The following AGPS variants were observed in gnomAD, a reference collection of about 807,000 sequenced individuals.
The protein encoded by AGPS is alkyldihydroxyacetonephosphate synthase, peroxisomal.
AGPS carries 26 observed loss-of-function variants against 90.7 expected under a neutral mutation model. That is an observed-to-expected ratio of 0.29 (90% CI 0.21 to 0.40). The LOEUF is 0.40. AGPS is among the 10% of genes least tolerant of loss of function. The probability of loss-of-function intolerance (pLI) is 1.00; values close to 1 mark genes in which losing one functional copy is unlikely to be tolerated. For synonymous variants in AGPS, 294 were observed against 285.3 expected, an observed-to-expected ratio of 1.03 and a Z score of -0.31; for missense variants, 540 against 816.1, an observed-to-expected ratio of 0.66 and a Z score of 4.12.
intron 5 of AGPS, among the ~76,000 whole-genome samples, chr2:177,438,222 G>A (rs1269056003): frequency 6.6e-6 from 1 of 152,098 alleles, no homozygotes; most frequent in East Asian, 1.9e-4. Context: ...GAACTTCCAA[G>A]TGTACCTTCT....
In AGPS at chr2:177,539,089, C is replaced by T. The variant is rs368328888; in HGVS notation, c.*894C>T. The T allele has an allele frequency of 6.6e-6, 1 of 151,954 alleles. No homozygotes were observed. The highest frequency in any genetic ancestry group is 2.1e-4 in the South Asian group (1 of 4,832). 9.4% of individuals were successfully genotyped at this position (151,954 alleles called of 1,614,324 possible). On this transcript the variant is annotated 3_prime_UTR_variant, in exon 20 of 20. Transcript: ENST00000264167. ...GGAAAACTCTTAGACTTAATGTCTC[C>T]AATTGCAAGAATTGTTTCACTAAAG...
At chr2:177,393,356 A>T (rs1034486194) in intron 1 of AGPS, 11 of 985,226 alleles carry the variant, frequency 1.1e-5, no homozygotes, top group Non-Finnish European at 1.3e-5. Flanking sequence ...TTCATTTTTT[A>T]TCTTGAATTA....
intron 8 of AGPS, among the ~76,000 whole-genome samples, chr2:177,459,556 CAT>C (rs1475180119): frequency 2.0e-5 from 3 of 152,184 alleles, no homozygotes; most frequent in South Asian, 2.1e-4. Context: ...AGCCAACAGA[CAT>C]ATGAAAAAAT....
chr2:177,434,410 C>G lies in AGPS; in HGVS notation c.434C>G (p.Thr145Ser). The G allele has an allele frequency of 1.2e-6, 2 of 1,609,632 alleles. No homozygotes were observed. Among genetic ancestry groups the G allele is most frequent in the Non-Finnish European group, 1.7e-6 (2 of 1,176,860 alleles). Residue 145 changes from threonine (T) to serine (S), a missense_variant, in exon 3 of 20, where the codon ACC (threonine) becomes AGC (serine). This residue lies in a region of AGPS where 405 missense variants were observed against 692.1 expected (regional missense o/e 0.59). Transcript: ENST00000264167. ...TLGVNVEHKTTSKASLNPSDT... is the reference protein window; with the variant it reads ...TLGVNVEHKTSSKASLNPSDT... ...GGAGTAAATGTGGAGCATAAAACTACCTCTAAAGTAAGCAAACAAAAATTA... is the reference window on the plus strand; with the variant it reads ...GGAGTAAATGTGGAGCATAAAACTAGCTCTAAAGTAAGCAAACAAAAATTA...
At chr2:177,517,932 T>C (rs1689068699) in intron 17 of AGPS, among the ~76,000 whole-genome samples, 1 of 152,154 alleles carries the variant, frequency 6.6e-6, no homozygotes, top group Non-Finnish European at 1.5e-5. Context: ...TTGTCTGATG[T>C]TTTCTTGTGA....
In AGPS at chr2:177,404,397, TC is replaced by T. The variant is rs780122729; in HGVS notation, c.260+11349del. 9.8e-5 allele frequency among the ~76,000 whole-genome samples: 15 copies of T among 152,314 alleles called. No homozygotes were observed. In the East Asian group the frequency reaches 2.9e-3, roughly 29 times the overall value. ...TATTCAGATGGCTCCTATTTACTGT[TC>T]AGGCAAATCTTGTTACATGGAGTGA... On this transcript the variant is annotated intron_variant, in intron 1 of 19. Transcript: ENST00000264167.
chr2:177,538,314 A>G lies in AGPS; in HGVS notation c.*119A>G. ...TGGATACATTTGTTTCTTTGGTTTA[A>G]AATAAGTTTGTTTTCATTCTGTAGT... On this transcript the variant is annotated 3_prime_UTR_variant, in exon 20 of 20. Coordinates refer to ENST00000264167, the MANE Select transcript of AGPS (RefSeq NM_003659.4). 1 of 1,150,736 alleles carries G rather than the reference A, an allele frequency of 8.7e-7. No homozygotes were observed. The highest frequency in any genetic ancestry group is 1.2e-6 in the Non-Finnish European group (1 of 802,160). 71.3% of individuals were successfully genotyped at this position (1,150,736 alleles called of 1,614,324 possible).
chr2:177,540,236 G>A lies in AGPS; in HGVS notation c.*2041G>A, dbSNP rs1441559070. The stretch of plus-strand genomic sequence containing the variant: ...AATCCATACTTGATATTAGGAAACT[G>A]TAAATGTAACACCTGAAATTATTAT... On this transcript the variant is annotated 3_prime_UTR_variant, in exon 20 of 20. Transcript: ENST00000264167. 1 of 151,770 alleles carries A rather than the reference G, an allele frequency of 6.6e-6. No homozygotes were observed. 9.4% of individuals were successfully genotyped at this position (151,770 alleles called of 1,614,324 possible).
chr2:177,482,478 A>T (rs1687974193), intron 11 of AGPS, among the ~76,000 whole-genome samples: 1 of 152,074 alleles, frequency 6.6e-6, no homozygotes, highest in South Asian at 2.1e-4. Context: ...TGGTAGCTTC[A>T]GATGACTTTG....
chr2:177,512,607 C>A (rs1036458694), intron 16 of AGPS, among the ~76,000 whole-genome samples: 1 of 152,076 alleles, frequency 6.6e-6, no homozygotes, highest in Non-Finnish European at 1.5e-5. Context: ...GATAAGCCAA[C>A]CTTTTGAGTT....
intron 9 of AGPS, among the ~76,000 whole-genome samples, chr2:177,464,010 C>T (rs1463714498): frequency 6.6e-6 from 1 of 152,152 alleles, no homozygotes; most frequent in East Asian, 1.9e-4. Flanking sequence ...GGCACAATCT[C>T]AGCTCACTGC....
intron 1 of AGPS, among the ~76,000 whole-genome samples, chr2:177,416,085 G>C (rs1419619563): frequency 6.6e-6 from 1 of 152,096 alleles, no homozygotes; most frequent in African/African-American, 2.4e-5. Context: ...TGACTATTAT[G>C]ATTAGAAATA....
Position 177,523,717 on chromosome 2 carries a change from C to G in AGPS, c.1798-31C>G, listed in dbSNP as rs202087188. ...TCACTGCAAAATGAAATCTAACTAG[C>G]AACAATTTGTTGTGTTGTTTCCAAA... On this transcript the variant is annotated intron_variant, in intron 18 of 19. Transcript: ENST00000264167. 198 of 1,603,340 alleles carry G rather than the reference C, an allele frequency of 1.2e-4. 1 individual carries two copies. The African/African-American group carries it at 2.4e-3, about 19-fold the overall frequency.
intron 19 of AGPS, among the ~76,000 whole-genome samples, chr2:177,533,117 A>T (rs2079152437): frequency 6.6e-6 from 1 of 152,186 alleles, no homozygotes; most frequent in Admixed American, 6.5e-5. Context: ...TTATCAGATT[A>T]CTATAAGATA....
chr2:177,480,164 G>A (rs1407051029), intron 10 of AGPS, among the ~76,000 whole-genome samples: 2 of 152,044 alleles, frequency 1.3e-5, no homozygotes, highest in Non-Finnish European at 2.9e-5. Flanking sequence ...TGGGCAACAA[G>A]AGCGAAACTC....
chr2:177,415,530 T>G (rs1685761885), intron 1 of AGPS, among the ~76,000 whole-genome samples: 1 of 152,356 alleles, frequency 6.6e-6, no homozygotes, highest in African/African-American at 2.4e-5. Flanking sequence ...CAGGGTCACA[T>G]TTTTATTCTG....
rs1686586242 is a variant in AGPS at position 177,441,021 on chromosome 2, A to G, written c.694A>G (p.Ile232Val). 2 of 1,611,910 alleles carry G rather than the reference A, an allele frequency of 1.2e-6. No homozygotes were observed. Among genetic ancestry groups the G allele is most frequent in the Non-Finnish European group, 8.5e-7 (1 of 1,178,370 alleles). ...VNLACKYNLCIIPIGGGTSVS... is the reference protein window; with the variant it reads ...VNLACKYNLCVIPIGGGTSVS... ...TCTAGCTTGCAAATATAATCTTTGT[A>G]TCATACCAATTGGTGGTAGGTATTG... The change falls in exon 6 of 20, where the codon ATC (isoleucine) becomes GTC (valine). Residue 232 changes from isoleucine to valine, a missense_variant. Ile to Val is a conservative substitution (Grantham distance 29). This residue lies in a region of AGPS where 405 missense variants were observed against 692.1 expected (regional missense o/e 0.59). Transcript: ENST00000264167.
At chr2:177,482,542 A>G (rs535442158) in intron 11 of AGPS, among the ~76,000 whole-genome samples, 1 of 152,126 alleles carries the variant, frequency 6.6e-6, no homozygotes, top group South Asian at 2.1e-4. Context: ...ATATTTTATG[A>G]TTAATTGAAG....
rs957228439 is a variant in AGPS, at chr2:177,499,834, C to G, written c.1475+104C>G. The G allele has an allele frequency of 3.6e-5, 27 of 745,070 alleles. No homozygotes were observed. In the African/African-American group the frequency reaches 3.9e-4, roughly 11 times the overall value. 46.2% of individuals were successfully genotyped at this position (745,070 alleles called of 1,614,324 possible). A position where few individuals can be genotyped will look rare whatever the true frequency, so the allele number is the denominator to read the frequency against. Reference sequence around the variant, plus strand: ...CTAGGCATTAATGTCTCCAAACAGACTGCATGTCTCAAAGTAGTTATTAAT... The same window carrying G: ...CTAGGCATTAATGTCTCCAAACAGAGTGCATGTCTCAAAGTAGTTATTAAT... On this transcript the variant is annotated intron_variant, in intron 14 of 19. Coordinates refer to ENST00000264167, the MANE Select transcript of AGPS (RefSeq NM_003659.4).
Sources: allele counts gnomAD v4.1 joint callset (sites outside exome capture counted in the v4.1 genomes callset), GRCh38; gene constraint gnomAD v4.1.1; regional missense constraint gnomAD v4.1.1; transcripts MANE v1.5; gene names NCBI Gene and HGNC (gene_info 2026-07-23, HGNC 2026-07-21).